Variants in MYO18B observed in about 807,000 individuals in gnomAD.
MYO18B encodes myosin XVIIIB.
A neutral mutation model predicts 273.0 loss-of-function variants in MYO18B; 204 were observed. The ratio of observed to expected loss-of-function variants is 0.75; its 90% CI spans 0.67 to 0.84. The LOEUF is 0.84. Ranked by LOEUF, MYO18B falls within the 40% of genes least tolerant of loss-of-function variation. The pLI is 0.00. For synonymous variants in MYO18B, 1,330 were observed against 1,305.7 expected (o/e 1.02, Z -0.40); for missense variants, 3,212 against 3,287.6 (o/e 0.98, Z 0.56).
At chr22:25,849,230 C>G (rs905368291) in intron 20 of MYO18B, among the ~76,000 whole-genome samples, 1 of 152,222 alleles carries the variant, frequency 6.6e-6, no homozygotes, top group Non-Finnish European at 1.5e-5. Context: ...CCTGTGTTCA[C>G]GTGACCTCAC....
In MYO18B at chr22:25,775,104, C is replaced by T. The variant is rs375651796; in HGVS notation, c.1870-2479C>T. 9.2e-5 allele frequency among the ~76,000 whole-genome samples: 14 copies of T among 152,332 alleles called. No individual in the cohort carries two copies. In the East Asian group the frequency reaches 2.3e-3, roughly 25 times the overall value. On this transcript the variant is annotated intron_variant, in intron 7 of 43. Coordinates refer to ENST00000335473, the MANE Select transcript of MYO18B (RefSeq NM_032608.7). ...GAGCAGGCTGATGGACAGGACTGCC[C>T]GTTCATTGAACTTTAGTTTTCCCAG...
At chr22:25,766,153 G>T (rs1310611615) in intron 3 of MYO18B, among the ~76,000 whole-genome samples, 2 of 151,998 alleles carry the variant, frequency 1.3e-5, no homozygotes, top group Admixed American at 1.3e-4. Context: ...CTAATATGCC[G>T]CAGTTCAAGG....
chr22:25,874,066 G>A lies in MYO18B; in HGVS notation c.3952-220G>A, dbSNP rs372380065. Among the ~76,000 whole-genome samples the A allele has an allele frequency of 2.2e-3, 329 of 152,296 alleles. 18 individuals carry two copies. In the South Asian group the frequency reaches 0.067, roughly 31 times the overall value. ...GTGGTGCCAATGCCACTGGTGCGTGGGCCACACTGAGTATCCAGGGCCTAG... is the reference window on the plus strand; with the variant it reads ...GTGGTGCCAATGCCACTGGTGCGTGAGCCACACTGAGTATCCAGGGCCTAG... On this transcript the variant is annotated intron_variant, in intron 22 of 43. Transcript: ENST00000335473.
At chr22:25,969,275 C>G (rs1320295185) in intron 39 of MYO18B, among the ~76,000 whole-genome samples, 1 of 152,194 alleles carries the variant, frequency 6.6e-6, no homozygotes, top group African/African-American at 2.4e-5. Flanking sequence ...CCAGAGATTA[C>G]CACGTTTTTT....
chr22:25,990,243 C>T (rs1282357154), intron 39 of MYO18B, among the ~76,000 whole-genome samples: 1 of 152,192 alleles, frequency 6.6e-6, no homozygotes, highest in Non-Finnish European at 1.5e-5. Context: ...ATGGTCCTCG[C>T]TGACTTCCAT....
intron 15 of MYO18B, among the ~76,000 whole-genome samples, chr22:25,830,383 C>T (rs2089661798): frequency 6.6e-6 from 1 of 152,142 alleles, no homozygotes; most frequent in South Asian, 2.1e-4. Context: ...AGAAAAAAAT[C>T]TTCGGTTGTT....
intron 26 of MYO18B, 97 bp downstream of exon 26, chr22:25,890,972 G>A (rs2091645380): frequency 1.3e-6 from 2 of 1,485,224 alleles, no homozygotes; most frequent in South Asian, 1.3e-5. Context: ...GTAAGCTTAA[G>A]CAAGATGCAC....
intron 42 of MYO18B, 132 bp from the exon 43 acceptor site, chr22:26,026,313 T>G: frequency 7.6e-6 from 8 of 1,056,614 alleles, no homozygotes; most frequent in Middle Eastern, 2.4e-4. Context: ...ATGGTTCATT[T>G]GAGAGTGCGG....
At chr22:25,887,831 G>A (rs191132192) in intron 25 of MYO18B, among the ~76,000 whole-genome samples, 1 of 152,288 alleles carries the variant, frequency 6.6e-6, no homozygotes, top group East Asian at 1.9e-4. Context: ...TTTGGGTTCT[G>A]TGAAACTCAA....
At chr22:25,960,653 T>G (rs1353450552) in intron 39 of MYO18B, among the ~76,000 whole-genome samples, 4 of 152,288 alleles carry the variant, frequency 2.6e-5, no homozygotes, top group African/African-American at 9.6e-5. Context: ...TCAGACCCGC[T>G]GATTTTACCC....
rs1569223312 is a variant in MYO18B at position 25,947,529 on chromosome 22, CACA to C, written c.5632-182_5632-180del. ...ACACACACACACACACACACACACACACACACACACACACCAAGCTGTTATACC... is the reference window on the plus strand; with the variant it reads ...ACACACACACACACACACACACACACCACACACACACCAAGCTGTTATACC... On this transcript the variant is annotated intron_variant, in intron 35 of 43. Coordinates refer to ENST00000335473, the MANE Select transcript of MYO18B (RefSeq NM_032608.7). Among the ~76,000 whole-genome samples, 7 of 146,550 alleles carry C rather than the reference CACA, an allele frequency of 4.8e-5. No individual in the cohort carries two copies. The East Asian group carries it at 1.2e-3, about 24-fold the overall frequency.
At chr22:25,849,865 C>T (rs1031841883) in intron 20 of MYO18B, among the ~76,000 whole-genome samples, 3 of 152,176 alleles carry the variant, frequency 2.0e-5, no homozygotes, top group Non-Finnish European at 2.9e-5. Context: ...ACCCATTAGC[C>T]ACTTTTACTA....
At position 25,926,258 on chromosome 22, in the gene MYO18B, G is replaced by A. The variant is rs898363392; in HGVS notation, c.5517+4849G>A. 3.3e-5 allele frequency among the ~76,000 whole-genome samples: 5 copies of A among 151,728 alleles called. 1 individual carries two copies. In the East Asian group the frequency reaches 7.7e-4, roughly 24 times the overall value. On this transcript the variant is annotated intron_variant, in intron 34 of 43. Transcript: ENST00000335473. ...AACATGTTCTGCGACCTTCACATTC[G>A]CTCACTGTGATGACAGAAAACCTAG...
chr22:26,041,456 C>A, the MYO18B span, among the ~76,000 whole-genome samples: 1 of 151,914 alleles, frequency 6.6e-6, no homozygotes, highest in African/African-American at 2.4e-5. Flanking sequence ...TGCTTGAACC[C>A]AGGAGGTAGA....
intron 39 of MYO18B, chr22:25,964,775 A>G: frequency 6.6e-6 from 1 of 152,240 alleles, no homozygotes; most frequent in Non-Finnish European, 1.5e-5. Context: ...CAACTATGAT[A>G]ACTCCCCATT....
chr22:25,924,910 T>G (rs2092398486), intron 34 of MYO18B, among the ~76,000 whole-genome samples: 2 of 152,100 alleles, frequency 1.3e-5, no homozygotes, highest in African/African-American at 4.8e-5. Flanking sequence ...GCAGATGAGG[T>G]TTGGTTAGCA....
At chr22:25,859,109 G>T (rs1364143697) in intron 21 of MYO18B, among the ~76,000 whole-genome samples, 6 of 152,086 alleles carry the variant, frequency 3.9e-5, no homozygotes, top group Admixed American at 3.9e-4. Context: ...AATCAATTAT[G>T]ATTTTGTTGT....
rs533641799 is a variant in MYO18B at position 25,812,601 on chromosome 22, T to A, written c.2522-10904T>A. 3.9e-5 allele frequency among the ~76,000 whole-genome samples: 6 copies of A among 152,238 alleles called. No homozygotes were observed. The East Asian group carries it at 1.2e-3, about 29-fold the overall frequency. On this transcript the variant is annotated intron_variant, in intron 12 of 43. Transcript: ENST00000335473. ...GGAGAGCTGCAGGGCTGGGCCTGGGTGGCTTCTCTGTGCAGAGGGCCTTGG... is the reference window on the plus strand; with the variant it reads ...GGAGAGCTGCAGGGCTGGGCCTGGGAGGCTTCTCTGTGCAGAGGGCCTTGG...
chr22:25,755,804 G>A (rs183438476), intron 1 of MYO18B, among the ~76,000 whole-genome samples: 69 of 152,260 alleles, frequency 4.5e-4, no homozygotes, highest in Non-Finnish European at 7.3e-4. Context: ...CTTCTCCTGC[G>A]GTTATTGGAA....
Sources: allele counts gnomAD v4.1 joint callset (sites outside exome capture counted in the v4.1 genomes callset), GRCh38; gene constraint gnomAD v4.1.1; transcripts MANE v1.5; gene names NCBI Gene and HGNC (gene_info 2026-07-23, HGNC 2026-07-21).